The following NAV2 variants were observed in gnomAD, a reference collection of about 807,000 sequenced individuals.
NAV2 encodes helicase, APC down-regulated 1.
Under a neutral mutation model 223.2 loss-of-function variants are expected in NAV2, and 54 were observed. That is an observed-to-expected ratio of 0.24 (90% confidence interval 0.19 to 0.30). NAV2 has a LOEUF of 0.30. Ranked by LOEUF, NAV2 falls within the 10% of genes least tolerant of loss-of-function variation. The probability of loss-of-function intolerance (pLI) is 1.00; values close to 1 mark genes in which losing one functional copy is unlikely to be tolerated. For missense variants in NAV2, 2,806 were observed against 3,147.5 expected (o/e 0.89, Z 2.60); for synonymous variants, 1,279 against 1,239.3 (o/e 1.03, Z -0.67).
At chr11:20,004,912 C>G (rs2052900337) in intron 11 of NAV2, among the ~76,000 whole-genome samples, 1 of 152,100 alleles carries the variant, frequency 6.6e-6, no homozygotes, top group Non-Finnish European at 1.5e-5. Flanking sequence ...AATCCCAGCT[C>G]AGTCACTTGC....
chr11:19,985,713 A>G lies in NAV2; in HGVS notation c.2768+1466A>G, dbSNP rs1387509018. Among the ~76,000 whole-genome samples the G allele has an allele frequency of 2.6e-5, 4 of 152,138 alleles. No homozygotes were observed. The East Asian group carries it at 7.7e-4, about 29-fold the overall frequency. ...TGCCTCAGCCTCCCAAGTAGGTGAG[A>G]TTATAGGCGTGTACCAGCATGCCCA... On this transcript the variant is annotated intron_variant, in intron 11 of 37. Transcript: ENST00000349880.
At chr11:19,626,100 A>G (rs1332358106) in intron 1 of NAV2, among the ~76,000 whole-genome samples, 1 of 152,148 alleles carries the variant, frequency 6.6e-6, no homozygotes, top group African/African-American at 2.4e-5. Context: ...TATTCATAAA[A>G]TCTTCTCCAA....
intron 1 of NAV2, among the ~76,000 whole-genome samples, chr11:19,395,920 G>C (rs1849429289): frequency 6.6e-6 from 1 of 152,208 alleles, no homozygotes; most frequent in Non-Finnish European, 1.5e-5. Flanking sequence ...TAGCAGAACT[G>C]AGTCTCTGTC....
intron 1 of NAV2, among the ~76,000 whole-genome samples, chr11:19,660,032 C>T (rs765916148): frequency 1.7e-4 from 26 of 151,996 alleles, no homozygotes; most frequent in Admixed American, 1.4e-3. Context: ...AGAGATTGAG[C>T]CTTTCCAGGC....
chr11:20,046,202 G>A (rs532499087), intron 14 of NAV2, among the ~76,000 whole-genome samples: 1 of 125,456 alleles, frequency 8.0e-6, no homozygotes, highest in South Asian at 2.3e-4. Context: ...CTGGCATGGT[G>A]GTATGCACCT....
intron 1 of NAV2, among the ~76,000 whole-genome samples, chr11:19,586,779 T>A (rs1050899246): frequency 3.9e-5 from 6 of 152,222 alleles, no homozygotes; most frequent in Non-Finnish European, 7.3e-5. Flanking sequence ...TAAGGGTCAG[T>A]CTGCCCCTAC....
chr11:19,815,142 G>C (rs1362344172), intron 1 of NAV2, among the ~76,000 whole-genome samples: 3 of 151,982 alleles, frequency 2.0e-5, no homozygotes, highest in South Asian at 2.1e-4. Flanking sequence ...AAAAACCCCT[G>C]CATGAAGATA....
At chr11:19,728,307 G>T (rs1362609939) in intron 1 of NAV2, among the ~76,000 whole-genome samples, 1 of 152,168 alleles carries the variant, frequency 6.6e-6, no homozygotes, top group Non-Finnish European at 1.5e-5. Context: ...CATATTCAGT[G>T]GTTCTTCACC....
At chr11:19,521,579 T>C (rs1356740170) in intron 1 of NAV2, among the ~76,000 whole-genome samples, 1 of 152,146 alleles carries the variant, frequency 6.6e-6, no homozygotes, top group East Asian at 1.9e-4. Flanking sequence ...ATCTTATGCG[T>C]TAGTGGGGAT....
intron 11 of NAV2, among the ~76,000 whole-genome samples, chr11:20,007,514 G>A (rs1444232385): frequency 6.6e-6 from 1 of 152,224 alleles, no homozygotes; most frequent in Admixed American, 6.5e-5. Context: ...AAACTGATCT[G>A]CTTTTCTGTG....
intron 10 of NAV2, among the ~76,000 whole-genome samples, chr11:19,962,452 C>A (rs948472750): frequency 6.6e-6 from 1 of 152,114 alleles, no homozygotes; most frequent in African/African-American, 2.4e-5. Context: ...GCCATATGAT[C>A]AGTGGGAGTG....
rs893952316 is a variant in NAV2 at position 19,367,887 on chromosome 11, T to G, written c.75+16860T>G. Among the ~76,000 whole-genome samples, 18 of 152,330 alleles carry G rather than the reference T, an allele frequency of 1.2e-4. No individual in the cohort carries two copies. The East Asian group carries it at 3.5e-3, about 29-fold the overall frequency. On this transcript the variant is annotated intron_variant, in intron 1 of 37. Transcript: ENST00000360655. ...TATTATACCCCAGAGCTGGAATAAA[T>G]AACTCTTATGTGCATTCATTCATTC... is the stretch of plus-strand genomic sequence containing the variant.
At chr11:19,890,826 T>C (rs2041446965) in intron 5 of NAV2, among the ~76,000 whole-genome samples, 1 of 152,246 alleles carries the variant, frequency 6.6e-6, no homozygotes, top group Non-Finnish European at 1.5e-5. Context: ...ACACAGGCAC[T>C]GGCACTGCTA....
intron 11 of NAV2, among the ~76,000 whole-genome samples, chr11:20,014,966 C>T (rs1392826271): frequency 2.0e-5 from 3 of 151,954 alleles, no homozygotes; most frequent in African/African-American, 7.3e-5. Context: ...CATGATGGCA[C>T]ATGCCAGTAG....
Position 20,041,356 on chromosome 11 carries a change from C to T in NAV2, c.2908-2625C>T, listed in dbSNP as rs117294638. Among the ~76,000 whole-genome samples the T allele has an allele frequency of 2.4e-3, 370 of 152,240 alleles. 8 individuals are homozygous for T. In the East Asian group the frequency reaches 0.045, roughly 19 times the overall value. The stretch of plus-strand genomic sequence containing the variant: ...TCAGTTTTGTCATGTAAAATTGAGA[C>T]TATTAACTGTAATTTCCTCATAGGT... On this transcript the variant is annotated intron_variant, in intron 12 of 37. Transcript: ENST00000349880.
At chr11:19,914,151 T>G (rs2043567948) in intron 6 of NAV2, among the ~76,000 whole-genome samples, 1 of 152,232 alleles carries the variant, frequency 6.6e-6, no homozygotes, top group Non-Finnish European at 1.5e-5. Context: ...GAACTTTTCT[T>G]TTTTCCCTCC....
chr11:19,795,939 A>G (rs2057854335), intron 1 of NAV2, among the ~76,000 whole-genome samples: 1 of 151,198 alleles, frequency 6.6e-6, no homozygotes, highest in Non-Finnish European at 1.5e-5. Context: ...GCTTTGAGAA[A>G]CCCCTTTAGG....
intron 1 of NAV2, among the ~76,000 whole-genome samples, chr11:19,694,014 T>C (rs1373593777): frequency 6.6e-6 from 1 of 152,246 alleles, no homozygotes; most frequent in Non-Finnish European, 1.5e-5. Context: ...TATTGATTAT[T>C]GCCTGTGTGA....
chr11:19,761,821 C>T (rs1300724916), intron 1 of NAV2, among the ~76,000 whole-genome samples: 1 of 152,220 alleles, frequency 6.6e-6, no homozygotes, highest in African/African-American at 2.4e-5. Context: ...TTCATGCTCC[C>T]GGTTTTCTCC....
Sources: gnomAD v4.1 joint callset for allele counts (sites outside exome capture counted in the v4.1 genomes callset) on GRCh38, gnomAD v4.1.1 for gene constraint, MANE v1.5 for transcripts, NCBI Gene and HGNC (gene_info 2026-07-23, HGNC 2026-07-21) for gene names.